Variants in CCDC7 observed in about 807,000 individuals in gnomAD.
The protein encoded by CCDC7 is coiled-coil domain-containing protein 7.
In CCDC7, 183 loss-of-function variants were observed where a neutral mutation model predicts 196.9. The ratio of observed to expected loss-of-function variants is 0.93; its 90% CI spans 0.82 to 1.05. CCDC7 has a LOEUF of 1.05. Among genes scored for constraint, CCDC7 ranks in the 50% least tolerant of loss-of-function variants. CCDC7 has a pLI of 0.00. For synonymous variants in CCDC7, 525 were observed against 484.6 expected, an observed-to-expected ratio of 1.08 and a Z score of -1.10; for missense variants, 1,540 against 1,482.2, an observed-to-expected ratio of 1.04 and a Z score of -0.64.
rs1366265738 is a variant in CCDC7, at chr10:32,465,598, A to G, written c.510+2549A>G. On this transcript the variant is annotated intron_variant, in intron 5 of 41. Coordinates refer to ENST00000639629, the Ensembl canonical transcript of CCDC7. ...TTAGAGTCCCCTCCTAAACCCAACC[A>G]GTAAATGTTGGAGTACCTCAAAGTT... Among the ~76,000 whole-genome samples, 9 of 152,230 alleles carry G rather than the reference A, an allele frequency of 5.9e-5. No homozygotes were observed. In the East Asian group the frequency reaches 1.7e-3, roughly 29 times the overall value.
At chr10:32,543,364 G>T in exon 12 of CCDC7, 1 of 1,418,078 alleles carries the variant, frequency 7.1e-7, no homozygotes, top group Non-Finnish European at 9.5e-7. Flanking sequence ...AAAGACAAAG[G>T]AAAATCTGAG....
intron 23 of CCDC7, 110 bp downstream of exon 24, chr10:32,689,273 C>A: frequency 1.5e-6 from 1 of 657,996 alleles, no homozygotes; most frequent in Non-Finnish European, 2.6e-6. Flanking sequence ...ATGTGAATAC[C>A]CTACCATAAT....
intron 17 of CCDC7, among the ~76,000 whole-genome samples, chr10:32,584,004 C>T (rs1306941701): frequency 3.9e-5 from 6 of 152,058 alleles, no homozygotes; most frequent in African/African-American, 1.2e-4. Context: ...CCTGGGCACC[C>T]TCCTTGCTAT....
At chr10:32,594,552 G>C (rs1291293084) in intron 18 of CCDC7, among the ~76,000 whole-genome samples, 2 of 152,060 alleles carry the variant, frequency 1.3e-5, no homozygotes, top group Admixed American at 1.3e-4. Flanking sequence ...TCTTTCTCTT[G>C]CCTGATTGCC....
chr10:32,492,886 ATGTAGTT>A (rs2042356520), intron 9 of CCDC7, among the ~76,000 whole-genome samples: 1 of 152,272 alleles, frequency 6.6e-6, no homozygotes, highest in South Asian at 2.1e-4. Context: ...ATGATACAAA[ATGTAGTT>A]TGTGAATATT....
rs1214569394 is a variant in CCDC7, at chr10:32,561,477, G to A, written c.1135-4081G>A. Among the ~76,000 whole-genome samples, 8 of 152,172 alleles carry A rather than the reference G, an allele frequency of 5.3e-5. No homozygotes were observed. In the East Asian group the frequency reaches 1.5e-3, roughly 29 times the overall value. ...CTCAGACCACAGTGCAATCAAACTAGAACTCAGGATTAACAAACTCACTCA... is the reference window on the plus strand; with the variant it reads ...CTCAGACCACAGTGCAATCAAACTAAAACTCAGGATTAACAAACTCACTCA... On this transcript the variant is annotated intron_variant, in intron 13 of 41. Coordinates refer to ENST00000639629, the Ensembl canonical transcript of CCDC7.
chr10:32,701,750 G>A (rs1410749498), intron 24 of CCDC7, among the ~76,000 whole-genome samples: 4 of 152,134 alleles, frequency 2.6e-5, no homozygotes, highest in East Asian at 1.9e-4. Context: ...TCTTGGGAGG[G>A]TGTATGTGTT....
intron 28 of CCDC7, among the ~76,000 whole-genome samples, chr10:32,757,491 T>C (rs1381821856): frequency 1.3e-5 from 2 of 152,146 alleles, no homozygotes; most frequent in Non-Finnish European, 2.9e-5. Flanking sequence ...ACAATCTGCT[T>C]CTGAATGACT....
chr10:32,565,766 G>A (rs2056685921), intron 14 of CCDC7, 146 bp downstream of exon 15: 3 of 658,200 alleles, frequency 4.6e-6, no homozygotes, highest in South Asian at 9.0e-5. Context: ...TTCATTTTAT[G>A]CATTAGGGGT....
intron 9 of CCDC7, among the ~76,000 whole-genome samples, chr10:32,508,859 C>A (rs915497036): frequency 2.6e-5 from 4 of 151,506 alleles, no homozygotes; most frequent in African/African-American, 7.3e-5. Flanking sequence ...TTTTGAACTG[C>A]TGACCTCAAG....
intron 31 of CCDC7, among the ~76,000 whole-genome samples, chr10:32,816,850 A>G (rs1468633055): frequency 6.6e-6 from 1 of 152,190 alleles, no homozygotes; most frequent in South Asian, 2.1e-4. Context: ...CACCATCATC[A>G]AAGACCAAAG....
intron 33 of CCDC7, among the ~76,000 whole-genome samples, chr10:32,843,102 T>G (rs2093074189): frequency 6.6e-6 from 1 of 150,486 alleles, no homozygotes; most frequent in South Asian, 2.1e-4. Context: ...AAAAATAAAT[T>G]TTTTTAAAAA....
At chr10:32,797,758 C>CACCT (rs2083917948) in intron 29 of CCDC7, among the ~76,000 whole-genome samples, 1 of 137,324 alleles carries the variant, frequency 7.3e-6, no homozygotes, top group Admixed American at 7.2e-5. Flanking sequence ...CACTTCCACC[C>CACCT]CTTGATTACT....
intron 18 of CCDC7, among the ~76,000 whole-genome samples, chr10:32,595,840 T>C (rs958043866): frequency 6.6e-6 from 1 of 152,246 alleles, no homozygotes; most frequent in Admixed American, 6.5e-5. Context: ...AGTTTCCGTG[T>C]AGTTGAGTGG....
chr10:32,762,519 G>A (rs1305010069), intron 28 of CCDC7, among the ~76,000 whole-genome samples: 1 of 151,428 alleles, frequency 6.6e-6, no homozygotes. Context: ...AAGACATCAA[G>A]TAGCCAAAAC....
intron 8 of CCDC7, among the ~76,000 whole-genome samples, chr10:32,476,795 T>C (rs571139870): frequency 2.6e-5 from 4 of 152,344 alleles, no homozygotes; most frequent in African/African-American, 9.6e-5. Context: ...CATTTGCAGT[T>C]CCATGATTAT....
At chr10:32,709,913 A>C (rs2080533951) in intron 24 of CCDC7, among the ~76,000 whole-genome samples, 1 of 152,162 alleles carries the variant, frequency 6.6e-6, no homozygotes, top group Non-Finnish European at 1.5e-5. Context: ...ACTCTCAAGC[A>C]AGAGACCAAG....
intron 13 of CCDC7, among the ~76,000 whole-genome samples, chr10:32,550,992 C>T (rs759589888): frequency 1.2e-4 from 18 of 152,078 alleles, no homozygotes; most frequent in African/African-American, 3.4e-4. Flanking sequence ...CTTCTTTGAA[C>T]GTCTGGTAGA....
chr10:32,598,795 C>G (rs1482356605), intron 18 of CCDC7, among the ~76,000 whole-genome samples: 1 of 151,992 alleles, frequency 6.6e-6, no homozygotes, highest in Non-Finnish European at 1.5e-5. Flanking sequence ...ATTTTAATTT[C>G]TTTATATTTA....
Sources: allele counts gnomAD v4.1 joint callset (sites outside exome capture counted in the v4.1 genomes callset), GRCh38; gene constraint gnomAD v4.1.1; transcripts MANE v1.5; gene names NCBI Gene and HGNC (gene_info 2026-07-23, HGNC 2026-07-21).